CHFR: variants seen among roughly 807,000 people sequenced by gnomAD.
CHFR encodes the protein E3 ubiquitin-protein ligase CHFR.
CHFR carries 57 observed loss-of-function variants against 87.6 expected under a neutral mutation model. The observed-to-expected ratio is 0.65, with a 90% CI of 0.53 to 0.81. The LOEUF (loss-of-function observed/expected upper bound fraction) is 0.81. Among genes scored for constraint, CHFR ranks in the 30% least tolerant of loss-of-function variants. The pLI is 0.00. For missense variants in CHFR, 797 were observed against 865.8 expected, an observed-to-expected ratio of 0.92 and a Z score of 1.00; for synonymous variants, 381 against 359.2, an observed-to-expected ratio of 1.06 and a Z score of -0.69.
At position 132,877,620 on chromosome 12, in the gene CHFR, G is replaced by A; in HGVS notation, c.168C>T (p.Val56=). 2 of 1,613,630 alleles carry A rather than the reference G, an allele frequency of 1.2e-6. No homozygotes were observed. Among genetic ancestry groups the A allele is most frequent in the Non-Finnish European group, 1.7e-6 (2 of 1,179,780 alleles). Reference sequence around the variant, plus strand: ...CTACAATTCTACAGTGATCTCCAGAGACCAGTTTATTGCTGGGGAAGGAAA... The same window carrying A: ...CTACAATTCTACAGTGATCTCCAGAAACCAGTTTATTGCTGGGGAAGGAAA... ...CDLSFPSNKL[V]SGDHCRIVVD... is the part of the protein sequence containing the mutation. Residue 56 remains valine, a synonymous_variant, in exon 3 of 18, where the codon GTC becomes GTT. Coordinates refer to ENST00000450056, the MANE Select transcript of CHFR (RefSeq NM_001161346.2).
At chr12:132,869,419 T>C (rs896487277) in intron 6 of CHFR, among the ~76,000 whole-genome samples, 200 bp downstream of exon 6, 2 of 152,114 alleles carry the variant, frequency 1.3e-5, no homozygotes, top group Non-Finnish European at 2.9e-5. Context: ...AAATACACAA[T>C]GGTACTAGAG....
intron 6 of CHFR, among the ~76,000 whole-genome samples, chr12:132,868,147 TA>T (rs1951392326): frequency 6.6e-6 from 1 of 152,132 alleles, no homozygotes; most frequent in African/African-American, 2.4e-5. Flanking sequence ...AAACTAGTTT[TA>T]AATAACATCC....
intron 2 of CHFR, among the ~76,000 whole-genome samples, chr12:132,883,501 G>C (rs931558945): frequency 1.3e-4 from 19 of 151,816 alleles, no homozygotes; most frequent in Non-Finnish European, 2.8e-4. Context: ...CGAGGCGGGT[G>C]GATCATGAGG....
At chr12:132,854,740 A>C (rs888354089) in intron 10 of CHFR, 2 of 152,134 alleles carry the variant, frequency 1.3e-5, no homozygotes, top group African/African-American at 4.8e-5. Flanking sequence ...CGGGAGGCGG[A>C]GCTTGCAATG....
At position 132,869,617 on chromosome 12, in the gene CHFR, ACCACAACTGGAG is replaced by A; in HGVS notation, c.573_583+1del. ...CCAAGACCTCATGAGATGTGACCTC[ACCACAACTGGAG>A]GAACGCTCTCGCCCTGCAGGAGAAG... On this transcript the variant is annotated splice_donor_variant and coding_sequence_variant, in exon 6 of 18. Coordinates refer to ENST00000450056, the MANE Select transcript of CHFR (RefSeq NM_001161346.2). LOFTEE classifies it high-confidence loss of function. 6.4e-7 allele frequency: 1 copy of A among 1,551,416 alleles called. No individual in the cohort carries two copies. The highest frequency in any genetic ancestry group is 8.7e-7 in the Non-Finnish European group (1 of 1,146,820).
In CHFR at chr12:132,838,592, TG is replaced by T; in HGVS notation, c.*2961del. The T allele has an allele frequency of 6.6e-6, 1 of 152,630 alleles. No homozygotes were observed. 9.5% of individuals were successfully genotyped at this position (152,630 alleles called of 1,614,324 possible). ...CCAGCGGGCAGCTGCAGCCCTGCCC[TG>T]GGTTTGTCCCAAGGCTGGGCCAAGG... On this transcript the variant is annotated 3_prime_UTR_variant, in exon 18 of 18. Coordinates refer to ENST00000450056, the MANE Select transcript of CHFR (RefSeq NM_001161346.2).
chr12:132,862,958 G>A lies in CHFR; in HGVS notation c.584-1324C>T, dbSNP rs140742448. On this transcript the variant is annotated intron_variant, in intron 6 of 17. Coordinates refer to ENST00000450056, the MANE Select transcript of CHFR (RefSeq NM_001161346.2). ...GTCACCCAGGCTGGAGTGCAGTGGC[G>A]TGATCTTGGCTCACTGCAAGCTCTG... 8.7e-3 allele frequency among the ~76,000 whole-genome samples: 1,284 copies of A among 147,156 alleles called. 17 individuals are homozygous for A. The highest frequency in any genetic ancestry group is 0.029 in the African/African-American group (1,137 of 39,842).
Position 132,832,444 on chromosome 12 carries a change from A to G in CHFR, c.*9110T>C, listed in dbSNP as rs551774728. 1 of 152,354 alleles carries G rather than the reference A, an allele frequency of 6.6e-6. No homozygotes were observed. Among genetic ancestry groups the G allele is most frequent in the South Asian group, 2.1e-4 (1 of 4,830 alleles). The allele number at this position is 152,354 out of a possible 1,614,324, so 9.4% of individuals were successfully genotyped here. A position where few individuals can be genotyped will look rare whatever the true frequency, so the allele number is the denominator to read the frequency against. ...AATATAGTTAATAATAATGTATTGT[A>G]TATTTTTAAATAACAAAAAGAGTGG... On this transcript the variant is annotated 3_prime_UTR_variant, in exon 18 of 18. Coordinates refer to ENST00000450056, the MANE Select transcript of CHFR (RefSeq NM_001161346.2).
rs1951506013 is a variant in CHFR at position 132,872,213 on chromosome 12, G to A, written c.343+72C>T. ...CCTATGGGAAGGGATGTAGCCAGGA[G>A]GAACGTTCAGAGAGCGCCCTCACGT... On this transcript the variant is annotated intron_variant, in intron 4 of 17. Transcript: ENST00000450056. The A allele has an allele frequency of 4.4e-6, 4 of 903,530 alleles. No individual in the cohort carries two copies. In the African/African-American group the frequency reaches 4.9e-5, roughly 11 times the overall value. The allele number at this position is 903,530 out of a possible 1,614,324, so 56.0% of individuals were successfully genotyped here.
chr12:132,864,866 T>C lies in CHFR; in HGVS notation c.584-3232A>G, dbSNP rs138832251. On this transcript the variant is annotated intron_variant, in intron 6 of 17. Transcript: ENST00000450056. The stretch of plus-strand genomic sequence containing the variant: ...TAAGTAGAACATTATCAAAAAATTA[T>C]GCAAACCGTATTACCCAGACTACAC... Among the ~76,000 whole-genome samples the C allele has an allele frequency of 4.2e-3, 646 of 152,276 alleles. 3 individuals are homozygous for C. The highest frequency in any genetic ancestry group is 0.015 in the African/African-American group (607 of 41,536).
In CHFR at chr12:132,851,716, G is replaced by A; in HGVS notation, c.1394C>T (p.Pro465Leu). The A allele has an allele frequency of 3.1e-6, 5 of 1,613,352 alleles. No individual in the cohort carries two copies. The highest frequency in any genetic ancestry group is 4.2e-6 in the Non-Finnish European group (5 of 1,179,832). Residue 465 changes from proline to leucine, a missense_variant, in exon 12 of 18, where the codon CCT (proline) becomes CTT (leucine). By Grantham distance (98) the Pro-to-Leu change is moderately conservative (BLOSUM62 -3). Around this residue, in one of 2 missense-constraint regions of CHFR, gnomAD observed 200 missense variants for 264.6 expected, o/e 0.76. Transcript: ENST00000450056. Reference sequence around the variant, plus strand: ...GCACAGGGCGTGGCTTCCTTGCAGAGGGCACACGTAATCCTGGACTGCTGA... The same window carrying A: ...GCACAGGGCGTGGCTTCCTTGCAGAAGGCACACGTAATCCTGGACTGCTGA... ...LTTAVQDYVCPLQGSHALCTC... is the reference protein window; with the variant it reads ...LTTAVQDYVCLLQGSHALCTC...
chr12:132,872,156 G>T, intron 4 of CHFR, 129 bp downstream of exon 4: 1 of 662,314 alleles, frequency 1.5e-6, no homozygotes, highest in Non-Finnish European at 2.7e-6. Flanking sequence ...ACCCATGTGA[G>T]CAAGAAATGG....
At chr12:132,853,202 T>C (rs1404658352) in intron 11 of CHFR, among the ~76,000 whole-genome samples, 2 of 152,096 alleles carry the variant, frequency 1.3e-5, no homozygotes, top group Non-Finnish European at 2.9e-5. Context: ...TTCCCAGGAG[T>C]GTTCAGGAGG....
intron 2 of CHFR, among the ~76,000 whole-genome samples, chr12:132,882,147 C>T (rs1332063593): frequency 6.6e-6 from 1 of 152,212 alleles, no homozygotes; most frequent in Non-Finnish European, 1.5e-5. Context: ...GTATAAATGT[C>T]CATCCACTGG....
chr12:132,874,513 C>G (rs1054693103), intron 3 of CHFR, among the ~76,000 whole-genome samples: 1 of 150,984 alleles, frequency 6.6e-6, no homozygotes, highest in African/African-American at 2.4e-5. Flanking sequence ...TGGGAAGGCC[C>G]AGGACCAGCA....
chr12:132,861,621 AC>A lies in CHFR; in HGVS notation c.596del (p.Gly199ValfsTer46), dbSNP rs1189456093. On this transcript the variant is annotated frameshift_variant, in exon 7 of 18. Transcript: ENST00000450056. LOFTEE classifies it high-confidence loss of function. ...GACCACTTCCTTTAGGGGAGATGCCACCACCCCCAGACCCTGTGAGAGGAAT... is the reference window on the plus strand; with the variant it reads ...GACCACTTCCTTTAGGGGAGATGCCACACCCCCAGACCCTGTGAGAGGAAT... Reference protein sequence around the residue: ...ERSSSCGSGGGGISPKGSGPS... With the variant: ...ERSSSCGSGGXGISPKGSGPS... 2 of 1,614,012 alleles carry A rather than the reference AC, an allele frequency of 1.2e-6. No individual in the cohort carries two copies. Among genetic ancestry groups the A allele is most frequent in the African/African-American group, 2.7e-5 (2 of 74,934 alleles).
chr12:132,846,816 G>A (rs367768726), intron 15 of CHFR, among the ~76,000 whole-genome samples: 3 of 152,270 alleles, frequency 2.0e-5, no homozygotes, highest in African/African-American at 7.2e-5. Context: ...GGAGGCCGAG[G>A]GGGCCTTGAG....
chr12:132,872,517 G>A, intron 3 of CHFR, 123 bp from the exon 4 acceptor site: 1 of 648,616 alleles, frequency 1.5e-6, no homozygotes, highest in Middle Eastern at 3.6e-4. Context: ...TAGGAACAGT[G>A]TAAATACGTA....
intron 2 of CHFR, among the ~76,000 whole-genome samples, chr12:132,886,132 C>T (rs1951886621): frequency 6.6e-6 from 1 of 152,054 alleles, no homozygotes; most frequent in East Asian, 1.9e-4. Context: ...GGCAATATGG[C>T]GAAAGCTCAT....
Sources: gnomAD v4.1 joint callset for allele counts (sites outside exome capture counted in the v4.1 genomes callset) on GRCh38, gnomAD v4.1.1 for gene constraint, gnomAD v4.1.1 regional missense constraint, MANE v1.5 for transcripts, NCBI Gene and HGNC (gene_info 2026-07-23, HGNC 2026-07-21) for gene names.